The following SEC14L2 variants were observed in gnomAD, a reference collection of about 807,000 sequenced individuals.
SEC14L2 encodes SEC14 like lipid binding 2.
SEC14L2 carries 50 observed loss-of-function variants against 56.9 expected under a neutral mutation model. That is an observed-to-expected ratio of 0.88 (90% confidence interval 0.70 to 1.11). The LOEUF (loss-of-function observed/expected upper bound fraction) is 1.11. SEC14L2 is among the 50% of genes most tolerant of loss of function. The pLI is 0.00. For missense variants in SEC14L2, 414 were observed against 500.7 expected, an observed-to-expected ratio of 0.83 and a Z score of 1.65; for synonymous variants, 179 against 188.5, an observed-to-expected ratio of 0.95 and a Z score of 0.41.
At chr22:30,411,873 C>G (rs987603911) in intron 8 of SEC14L2, among the ~76,000 whole-genome samples, 1 of 152,076 alleles carries the variant, frequency 6.6e-6, no homozygotes, top group East Asian at 1.9e-4. Flanking sequence ...TGGGAGCACT[C>G]AGCGGGAGCA....
intron 2 of SEC14L2, among the ~76,000 whole-genome samples, chr22:30,403,392 AGCGG>A (rs1053906218): frequency 3.9e-5 from 6 of 152,228 alleles, no homozygotes; most frequent in African/African-American, 1.4e-4. Context: ...AGGGAGGCAG[AGCGG>A]GTCTGAGTCT....
chr22:30,415,809 G>A lies in SEC14L2; in HGVS notation c.715G>A (p.Val239Met). The A allele has an allele frequency of 1.9e-6, 3 of 1,614,194 alleles. 1 individual carries two copies. The highest frequency in any genetic ancestry group is 2.5e-6 in the Non-Finnish European group (3 of 1,180,030). ...LKHISPDQVP[V>M]EYGGTMTDPD... ...ACATATCAGCCCTGACCAGGTGCCT[G>A]TGGAGTATGGGGGCACCATGACTGA... is the stretch of plus-strand genomic sequence containing the variant. The change falls in exon 9 of 12, where the codon GTG becomes ATG. Residue 239 changes from valine (V) to methionine (M), a missense_variant. Val to Met is a conservative substitution (Grantham distance 21, BLOSUM62 1). Transcript: ENST00000615189.
Position 30,422,604 on chromosome 22 carries a change from C to T in SEC14L2, c.*197C>T, listed in dbSNP as rs1934550211. ...TGTCTATCAAATACCTAAGGAGTCC[C>T]CAGGAGCTGGCTGGCCATCGTGATA... On this transcript the variant is annotated 3_prime_UTR_variant, in exon 12 of 12. Coordinates refer to ENST00000615189, the MANE Select transcript of SEC14L2 (RefSeq NM_012429.5). 1 of 595,136 alleles carries T rather than the reference C, an allele frequency of 1.7e-6. No individual in the cohort carries two copies. The highest frequency in any genetic ancestry group is 2.2e-5 in the South Asian group (1 of 44,768). 36.9% of individuals were successfully genotyped at this position (595,136 alleles called of 1,614,324 possible).
At chr22:30,417,427 C>A (rs1934416254) in intron 11 of SEC14L2, among the ~76,000 whole-genome samples, 2 of 152,198 alleles carry the variant, frequency 1.3e-5, no homozygotes, top group South Asian at 2.1e-4. Flanking sequence ...TCTCCAGTTT[C>A]TTTTTGTCAG....
intron 7 of SEC14L2, among the ~76,000 whole-genome samples, 155 bp from the exon 8 acceptor site, chr22:30,410,441 G>A (rs1299068885): frequency 1.3e-5 from 2 of 152,228 alleles, no homozygotes; most frequent in Non-Finnish European, 2.9e-5. Flanking sequence ...CCCATGCTGA[G>A]CTGCACACCC....
intron 2 of SEC14L2, among the ~76,000 whole-genome samples, chr22:30,401,451 G>A (rs1310288250): frequency 6.6e-6 from 1 of 151,494 alleles, no homozygotes; most frequent in East Asian, 1.9e-4. Context: ...CTCCCAAAGT[G>A]TTAGGATTAC....
At chr22:30,413,991 C>A (rs1934322254) in intron 8 of SEC14L2, among the ~76,000 whole-genome samples, 1 of 151,966 alleles carries the variant, frequency 6.6e-6, no homozygotes, top group African/African-American at 2.4e-5. Flanking sequence ...GCCAGCACAC[C>A]CACCTAAATT....
chr22:30,415,389 C>T (rs1432023899), intron 8 of SEC14L2, among the ~76,000 whole-genome samples: 3 of 152,284 alleles, frequency 2.0e-5, no homozygotes, highest in South Asian at 4.1e-4. Flanking sequence ...TCCAAGATTG[C>T]GCCACTGTAC....
chr22:30,397,503 G>A lies in SEC14L2; in HGVS notation c.54+333G>A, dbSNP rs1933788844. The A allele has an allele frequency of 9.1e-6, 3 of 330,230 alleles. No individual in the cohort carries two copies. The East Asian group carries it at 1.9e-4, about 20-fold the overall frequency. 20.5% of individuals were successfully genotyped at this position (330,230 alleles called of 1,614,324 possible). ...TCGGGACTGGCAGCCGGGCCCTGGG[G>A]CAGGGGCAGGGGCAGGGGCCCAAGT... On this transcript the variant is annotated intron_variant, in intron 1 of 11. Coordinates refer to ENST00000615189, the MANE Select transcript of SEC14L2 (RefSeq NM_012429.5).
chr22:30,409,443 G>T lies in SEC14L2; in HGVS notation c.537G>T (p.Glu179Asp). Residue 179 changes from glutamate (E) to aspartate (D), a missense_variant, in exon 7 of 12, where the codon GAG becomes GAT. Glu to Asp is a conservative substitution (Grantham distance 45). Transcript: ENST00000615189. ...EAYGEFLCMFEENYPETLKRL... is the reference protein window; with the variant it reads ...EAYGEFLCMFDENYPETLKRL... ...TTCCACAGTTTCTCTGCATGTTTGA[G>T]GAAAATTATCCCGAAACACTGAAGC... The T allele has an allele frequency of 1.9e-6, 3 of 1,614,154 alleles. No homozygotes were observed. The South Asian group carries it at 3.3e-5, about 18-fold the overall frequency.
intron 2 of SEC14L2, among the ~76,000 whole-genome samples, chr22:30,401,994 A>G (rs1207168128): frequency 6.6e-6 from 1 of 152,160 alleles, no homozygotes; most frequent in Non-Finnish European, 1.5e-5. Context: ...GAAATTTCAC[A>G]GAGCTGGCAC....
In SEC14L2 at chr22:30,422,434, C is replaced by T. The variant is rs1934545796; in HGVS notation, c.*27C>T. 2 of 1,613,420 alleles carry T rather than the reference C, an allele frequency of 1.2e-6. No individual in the cohort carries two copies. The highest frequency in any genetic ancestry group is 1.1e-5 in the South Asian group (1 of 91,008). On this transcript the variant is annotated 3_prime_UTR_variant, in exon 12 of 12. Coordinates refer to ENST00000615189, the MANE Select transcript of SEC14L2 (RefSeq NM_012429.5). ...ACCTTCTCCTATAGCAGGCCTGGCC[C>T]CCTCAGTGTCTCCCTGTCAATTTCT... is the stretch of plus-strand genomic sequence containing the variant.
Position 30,409,184 on chromosome 22 carries a change from C to A in SEC14L2, c.424-3C>A, listed in dbSNP as rs1428569309. ...AAGACTTCCTGCTCTCTGTTCCCTG[C>A]AGTTGGGGAGGAAGGTGGAGACCAT... On this transcript the variant is annotated splice_region_variant and splice_polypyrimidine_tract_variant and intron_variant, in intron 5 of 11. Transcript: ENST00000615189. 6.2e-7 allele frequency: 1 copy of A among 1,613,258 alleles called. No individual in the cohort carries two copies. The highest frequency in any genetic ancestry group is 8.5e-7 in the Non-Finnish European group (1 of 1,179,432).
rs1934111825 is a variant in SEC14L2 at position 30,406,965 on chromosome 22, T to G, written c.175-130T>G. The G allele has an allele frequency of 5.3e-6, 4 of 759,890 alleles. No individual in the cohort carries two copies. The Admixed American group carries it at 7.0e-5, about 13-fold the overall frequency. 47.1% of individuals were successfully genotyped at this position (759,890 alleles called of 1,614,324 possible). On this transcript the variant is annotated intron_variant, in intron 3 of 11. Transcript: ENST00000615189. Reference sequence around the variant, plus strand: ...CGGGATTTTGCCATGTTGGCCAGGCTGGTCTTGAACTCCTGGCCTCAAGTG... The same window carrying G: ...CGGGATTTTGCCATGTTGGCCAGGCGGGTCTTGAACTCCTGGCCTCAAGTG...
chr22:30,414,229 A>G (rs1934328178), intron 8 of SEC14L2, among the ~76,000 whole-genome samples: 1 of 152,198 alleles, frequency 6.6e-6, no homozygotes, highest in Non-Finnish European at 1.5e-5. Flanking sequence ...GGGAAGAACT[A>G]TAAAAGCTGA....
intron 8 of SEC14L2, among the ~76,000 whole-genome samples, chr22:30,414,969 T>A (rs1934348463): frequency 6.6e-6 from 1 of 152,100 alleles, no homozygotes; most frequent in South Asian, 2.1e-4. Flanking sequence ...TTCAGTATAA[T>A]CAGGACAGGG....
At chr22:30,420,913 G>A (rs1401460430) in intron 11 of SEC14L2, 1 of 152,190 alleles carries the variant, frequency 6.6e-6, no homozygotes, top group African/African-American at 2.4e-5. Context: ...CTCTGCCAAA[G>A]TGTGGAAGCT....
Position 30,415,938 on chromosome 22 carries a change from A to G in SEC14L2, c.772-10A>G. On this transcript the variant is annotated splice_polypyrimidine_tract_variant and intron_variant, in intron 9 of 11. Coordinates refer to ENST00000615189, the MANE Select transcript of SEC14L2 (RefSeq NM_012429.5). ...TGCACATTCCAGTTCACTCCATGCC[A>G]TGCTTCTAGATCAACTACGGGGGTG... The G allele has an allele frequency of 1.2e-6, 2 of 1,614,162 alleles. No individual in the cohort carries two copies. Among genetic ancestry groups the G allele is most frequent in the Non-Finnish European group, 1.7e-6 (2 of 1,180,000 alleles).
rs1933790235 is a variant in SEC14L2, at chr22:30,397,542, C to T, written c.54+372C>T. 18 of 292,326 alleles carry T rather than the reference C, an allele frequency of 6.2e-5. No individual in the cohort carries two copies. In the South Asian group the frequency reaches 8.3e-4, roughly 13 times the overall value. 18.1% of individuals were successfully genotyped at this position (292,326 alleles called of 1,614,324 possible). A position where few individuals can be genotyped will look rare whatever the true frequency, so the allele number is the denominator to read the frequency against. ...AGGGGCCCAAGTTTCCTCCCATTTC[C>T]GGGAGGCTTTCTTCTTGTAGGGTCA... On this transcript the variant is annotated intron_variant, in intron 1 of 11. Coordinates refer to ENST00000615189, the MANE Select transcript of SEC14L2 (RefSeq NM_012429.5).
Sources: allele counts gnomAD v4.1 joint callset (sites outside exome capture counted in the v4.1 genomes callset), GRCh38; gene constraint gnomAD v4.1.1; transcripts MANE v1.5; gene names NCBI Gene and HGNC (gene_info 2026-07-23, HGNC 2026-07-21).